Variants in MYH14 observed in about 807,000 individuals in gnomAD.
The protein encoded by MYH14 is myosin heavy chain 14, also known as myosin-14.
A neutral mutation model predicts 255.5 loss-of-function variants in MYH14; 123 were observed. The ratio of observed to expected loss-of-function variants is 0.48; its 90% CI spans 0.42 to 0.56. The LOEUF is 0.56. Ranked by LOEUF, MYH14 falls within the 20% of genes least tolerant of loss-of-function variation. The pLI is 0.00. For synonymous variants in MYH14, 1,095 were observed against 1,161.2 expected (o/e 0.94, Z 1.16); for missense variants, 2,423 against 2,802.3 (o/e 0.86, Z 3.06).
intron 9 of MYH14, among the ~76,000 whole-genome samples, chr19:50,231,345 C>T (rs897853907): frequency 2.0e-5 from 3 of 152,266 alleles, no homozygotes; most frequent in Non-Finnish European, 4.4e-5. Context: ...CCCACTGCTT[C>T]TGCCAACCAG....
At chr19:50,228,596 C>T (rs1446856176) in intron 8 of MYH14, among the ~76,000 whole-genome samples, 2 of 152,170 alleles carry the variant, frequency 1.3e-5, no homozygotes, top group Non-Finnish European at 2.9e-5. Flanking sequence ...CTGCTCATGG[C>T]TGCTCCTTCC....
chr19:50,263,558 C>T (rs1358168584), intron 22 of MYH14, 138 bp downstream of exon 22: 3 of 504,202 alleles, frequency 5.9e-6, no homozygotes, highest in Non-Finnish European at 1.0e-5. Flanking sequence ...CCAGGCTTTG[C>T]TAGCTGGGAT....
chr19:50,243,792 G>A (rs1009839522), intron 10 of MYH14, among the ~76,000 whole-genome samples: 1 of 152,160 alleles, frequency 6.6e-6, no homozygotes, highest in Non-Finnish European at 1.5e-5. Flanking sequence ...TATCACTGTA[G>A]ACCTTCTTCA....
chr19:50,292,879 G>A lies in MYH14; in HGVS notation c.5257-354G>A, dbSNP rs539804581. Among the ~76,000 whole-genome samples the A allele has an allele frequency of 3.9e-5, 6 of 152,106 alleles. No homozygotes were observed. The South Asian group carries it at 1.2e-3, about 32-fold the overall frequency. ...GGACGGAGAAGGCAGTCAGAAGGCA[G>A]GAGGGAGAAGGCTATGGTGAGGGGG... On this transcript the variant is annotated intron_variant, in intron 37 of 42. Transcript: ENST00000642316.
chr19:50,283,340 G>A (rs1005285426), intron 33 of MYH14, among the ~76,000 whole-genome samples: 5 of 152,146 alleles, frequency 3.3e-5, no homozygotes, highest in African/African-American at 1.2e-4. Flanking sequence ...GGCTGGTCTC[G>A]AACTCCTGGC....
At chr19:50,206,482 C>T (rs2031762372) in intron 1 of MYH14, among the ~76,000 whole-genome samples, 1 of 152,210 alleles carries the variant, frequency 6.6e-6, no homozygotes, top group South Asian at 2.1e-4. Context: ...ATCCAGGTCA[C>T]ACTGGAGATA....
Position 50,249,011 on chromosome 19 carries a change from G to A in MYH14, c.1354G>A (p.Ala452Thr), listed in dbSNP as rs1310400256. Residue 452 changes from alanine to threonine, a missense_variant, in exon 13 of 43, where the codon GCC becomes ACC. By Grantham distance (58) the Ala-to-Thr change is moderately conservative (BLOSUM62 0). Around this residue, in one of 3 missense-constraint regions of MYH14, gnomAD observed 672 missense variants for 881.8 expected, o/e 0.76. Transcript: ENST00000642316. ...GGCTGACTTCGCGCTGGAGGCCCTG[G>A]CCAAGGCCACCTACGAGCGCCTCTT... ...EQADFALEAL[A>T]KATYERLFRW... 1 of 1,613,538 alleles carries A rather than the reference G, an allele frequency of 6.2e-7. No homozygotes were observed. Among genetic ancestry groups the A allele is most frequent in the African/African-American group, 1.3e-5 (1 of 74,952 alleles).
Position 50,280,979 on chromosome 19 carries a change from C to T in MYH14, c.4290+596C>T, listed in dbSNP as rs778703238. Among the ~76,000 whole-genome samples the T allele has an allele frequency of 4.6e-5, 7 of 152,222 alleles. No homozygotes were observed. Among genetic ancestry groups the T allele is most frequent in the Non-Finnish European group, 1.0e-4 (7 of 68,046 alleles). On this transcript the variant is annotated intron_variant, in intron 32 of 42. Coordinates refer to ENST00000642316, the MANE Select transcript of MYH14 (RefSeq NM_001145809.2). This position sits in a 1 kb window ranked among gnomAD's most constrained non-coding sequence, Gnocchi z 4.8. Reference sequence around the variant, plus strand: ...CTTTCTCCTCTGTCCCAACTCCAGTCACCTTGGGCTGGGACTGTCTCTGCC... The same window carrying T: ...CTTTCTCCTCTGTCCCAACTCCAGTTACCTTGGGCTGGGACTGTCTCTGCC...
At position 50,293,788 on chromosome 19, in the gene MYH14, G is replaced by A; in HGVS notation, c.5469+101G>A. ...ACAAATATAGAAAGGGGATATTTGA[G>A]TTGGGTTTTGAAGGTTGAATAGGAG... On this transcript the variant is annotated intron_variant, in intron 39 of 42. Transcript: ENST00000642316. This position sits in a 1 kb window ranked among gnomAD's most constrained non-coding sequence, Gnocchi z 4.1. 4 of 1,349,024 alleles carry A rather than the reference G, an allele frequency of 3.0e-6. No homozygotes were observed. The highest frequency in any genetic ancestry group is 2.1e-4 in the Middle Eastern group (1 of 4,874). The allele number at this position is 1,349,024 out of a possible 1,614,324, so 83.6% of individuals were successfully genotyped here.
In MYH14 at chr19:50,289,528, G is replaced by A. The variant is rs1386018095; in HGVS notation, c.4845G>A (p.Ala1615=). 1.4e-5 allele frequency: 22 copies of A among 1,613,066 alleles called. No homozygotes were observed. Among genetic ancestry groups the A allele is most frequent in the Middle Eastern group, 1.7e-4 (1 of 6,060 alleles). ...CAGAACTGGAGGATGAGCTGACAGC[G>A]GCCGAGGATGCCAAGCTGCGTCTGG... The part of the protein sequence containing the change: ...QVTELEDELT[A]AEDAKLRLEV... The change falls in exon 35 of 43, where the codon GCG becomes GCA. Residue 1615 remains alanine, a synonymous_variant. Coordinates refer to ENST00000642316, the MANE Select transcript of MYH14 (RefSeq NM_001145809.2).
intron 20 of MYH14, among the ~76,000 whole-genome samples, 182 bp downstream of exon 20, chr19:50,260,897 G>C (rs1203420132): frequency 6.6e-6 from 1 of 151,702 alleles, no homozygotes; most frequent in Non-Finnish European, 1.5e-5. Flanking sequence ...ATGTGTGTGT[G>C]TGCATGCGTT....
At chr19:50,227,497 C>T (rs536763747) in intron 8 of MYH14, among the ~76,000 whole-genome samples, 18 of 152,218 alleles carry the variant, frequency 1.2e-4, no homozygotes, top group Non-Finnish European at 2.1e-4. Context: ...TCCACACTCC[C>T]GGGAGGAAAG....
intron 10 of MYH14, among the ~76,000 whole-genome samples, chr19:50,233,315 G>A (rs148119046): frequency 0.096 from 14,557 of 151,918 alleles, 861 homozygotes; most frequent in South Asian, 0.2. Flanking sequence ...GATTACAGGC[G>A]CCCGCCACCT....
intron 42 of MYH14, 146 bp from the exon 43 acceptor site, chr19:50,309,494 T>C: frequency 3.0e-6 from 2 of 657,778 alleles, no homozygotes; most frequent in Non-Finnish European, 5.4e-6. Context: ...CCATTTCTCT[T>C]GATCTCATCC....
At chr19:50,242,194 G>A (rs537573185) in intron 10 of MYH14, among the ~76,000 whole-genome samples, 1 of 152,200 alleles carries the variant, frequency 6.6e-6, no homozygotes, top group Non-Finnish European at 1.5e-5. Flanking sequence ...TATTCTAGGG[G>A]GCAGCACTAC....
Position 50,263,372 on chromosome 19 carries a change from G to A in MYH14, c.2646G>A (p.Ala882=), listed in dbSNP as rs763088459. The part of the protein sequence containing the change: ...SALRVMQRNC[A]AYLKLRHWQW... ...TGAGGGTGATGCAGCGGAACTGCGCGGCCTACCTCAAGCTGAGACACTGGC... is the reference window on the plus strand; with the variant it reads ...TGAGGGTGATGCAGCGGAACTGCGCAGCCTACCTCAAGCTGAGACACTGGC... Residue 882 remains alanine, a synonymous_variant, in exon 22 of 43, where the codon GCG becomes GCA. Transcript: ENST00000642316. The A allele has an allele frequency of 2.4e-5, 38 of 1,603,200 alleles. No homozygotes were observed. The highest frequency in any genetic ancestry group is 7.9e-5 in the South Asian group (7 of 89,156).
Position 50,293,210 on chromosome 19 carries a change from C to G in MYH14, c.5257-23C>G. 6.4e-7 allele frequency: 1 copy of G among 1,569,272 alleles called. No homozygotes were observed. Among genetic ancestry groups the G allele is most frequent in the Non-Finnish European group, 8.7e-7 (1 of 1,153,884 alleles). ...CCAGATTGCTTCTCCTCACACCCAC[C>G]GGCCACCCCTCCATCATCACAGGAA... On this transcript the variant is annotated intron_variant, in intron 37 of 42. Transcript: ENST00000642316. This position sits in a 1 kb window ranked among gnomAD's most constrained non-coding sequence, Gnocchi z 4.1.
chr19:50,231,877 A>T, intron 9 of MYH14, 53 bp from the exon 10 acceptor site: 1 of 1,607,152 alleles, frequency 6.2e-7, no homozygotes, highest in South Asian at 1.1e-5. Context: ...ATCCAGGATG[A>T]GTCTGACTGC....
chr19:50,223,586 G>C (rs1476505101), intron 5 of MYH14, among the ~76,000 whole-genome samples: 1 of 152,186 alleles, frequency 6.6e-6, no homozygotes, highest in African/African-American at 2.4e-5. Flanking sequence ...GTACTTAGTA[G>C]GTGCTTTCTT....
Sources: allele counts gnomAD v4.1 joint callset (sites outside exome capture counted in the v4.1 genomes callset), GRCh38; gene constraint gnomAD v4.1.1; regional missense constraint gnomAD v4.1.1; non-coding constraint Gnocchi (gnomAD v3.1); transcripts MANE v1.5; gene names NCBI Gene and HGNC (gene_info 2026-07-23, HGNC 2026-07-21).